The following CSNK2A2IP variants were observed in gnomAD, a reference collection of about 807,000 sequenced individuals.
CSNK2A2IP encodes casein kinase 2 subunit alpha' interacting protein, also known as casein kinase II subunit alpha'-interacting protein.
the CSNK2A2IP span, among the ~76,000 whole-genome samples, chr3:88,453,357 C>T: frequency 6.6e-6 from 1 of 152,000 alleles, no homozygotes; most frequent in African/African-American, 2.4e-5. Flanking sequence ...ACAAACAATG[C>T]TAGGTTGCTC....
the CSNK2A2IP span, among the ~76,000 whole-genome samples, chr3:88,356,854 A>G: frequency 6.6e-6 from 1 of 152,090 alleles, no homozygotes; most frequent in Non-Finnish European, 1.5e-5. Flanking sequence ...GACTAATGGT[A>G]TTGAGCATTT....
the CSNK2A2IP span, among the ~76,000 whole-genome samples, chr3:88,438,781 G>C: frequency 6.6e-6 from 1 of 152,130 alleles, no homozygotes; most frequent in Non-Finnish European, 1.5e-5. Context: ...TGTCACGTAA[G>C]ACTCTGATTA....
chr3:88,348,217 C>T, the CSNK2A2IP span, among the ~76,000 whole-genome samples: 28,046 of 151,788 alleles, frequency 0.18, 2,699 homozygotes, highest in East Asian at 0.21. Context: ...ATATCTAAGA[C>T]TGAGAATTTC....
At chr3:88,389,235 TA>T in the CSNK2A2IP span, among the ~76,000 whole-genome samples, 37 of 148,960 alleles carry the variant, frequency 2.5e-4, no homozygotes, top group Admixed American at 1.1e-3. Context: ...ACATTTAATT[TA>T]AAAAAAAAAA....
At chr3:88,441,515 C>T in the CSNK2A2IP span, among the ~76,000 whole-genome samples, 7 of 152,034 alleles carry the variant, frequency 4.6e-5, no homozygotes, top group East Asian at 1.9e-4. Context: ...TTATATGTTG[C>T]GTTAAATACT....
the CSNK2A2IP span, among the ~76,000 whole-genome samples, chr3:88,433,686 C>A: frequency 1.2e-3 from 182 of 152,262 alleles, 2 homozygotes; most frequent in East Asian, 1.7e-3. Context: ...AGAGCCGTGG[C>A]TGCAGCTAGC....
chr3:88,392,862 G>T, the CSNK2A2IP span, among the ~76,000 whole-genome samples: 1 of 152,124 alleles, frequency 6.6e-6, no homozygotes, highest in African/African-American at 2.4e-5. Context: ...TTAAAATAGG[G>T]CAATATGAAC....
chr3:88,439,726 G>A, the CSNK2A2IP span, among the ~76,000 whole-genome samples: 4 of 127,902 alleles, frequency 3.1e-5, no homozygotes, highest in East Asian at 2.3e-4. Context: ...TAGCGACAGA[G>A]TGAGACTCTG....
At chr3:88,418,423 G>T in the CSNK2A2IP span, among the ~76,000 whole-genome samples, 1 of 148,900 alleles carries the variant, frequency 6.7e-6, no homozygotes, top group African/African-American at 2.5e-5. Context: ...AATGTCTACA[G>T]GGAACTGAAT....
the CSNK2A2IP span, among the ~76,000 whole-genome samples, chr3:88,434,155 G>A: frequency 1.3e-5 from 2 of 152,054 alleles, no homozygotes; most frequent in African/African-American, 4.8e-5. Flanking sequence ...TCCTTTGTTT[G>A]CAATGTGGAA....
the CSNK2A2IP span, among the ~76,000 whole-genome samples, chr3:88,461,471 T>A: frequency 2.6e-5 from 4 of 152,186 alleles, no homozygotes; most frequent in East Asian, 7.8e-4. Flanking sequence ...GAGAATGGCG[T>A]GAACCTGGGA....
the CSNK2A2IP span, among the ~76,000 whole-genome samples, chr3:88,367,961 G>A: frequency 6.6e-6 from 1 of 152,026 alleles, no homozygotes; most frequent in Admixed American, 6.6e-5. Flanking sequence ...TGAGCGTTCT[G>A]TTGTGAAAAT....
At chr3:88,406,039 T>C in the CSNK2A2IP span, among the ~76,000 whole-genome samples, 1 of 152,128 alleles carries the variant, frequency 6.6e-6, no homozygotes, top group African/African-American at 2.4e-5. Flanking sequence ...TAAGACTCTA[T>C]AATTTCATAA....
chr3:88,356,852 G>T, the CSNK2A2IP span, among the ~76,000 whole-genome samples: 1 of 151,954 alleles, frequency 6.6e-6, no homozygotes, highest in African/African-American at 2.4e-5. Context: ...ATGACTAATG[G>T]TATTGAGCAT....
the CSNK2A2IP span, chr3:88,465,294 T>C: frequency 1.0e-6 from 1 of 990,058 alleles, no homozygotes; most frequent in Non-Finnish European, 1.3e-6. Flanking sequence ...GCTAAAAGAC[T>C]AACAGTTACT....
the CSNK2A2IP span, among the ~76,000 whole-genome samples, chr3:88,430,901 A>G: frequency 0.014 from 2,065 of 152,202 alleles, 39 homozygotes; most frequent in African/African-American, 0.048. Context: ...ACTTCCAGAA[A>G]ACAAAAACAA....
chr3:88,401,650 A>G, the CSNK2A2IP span, among the ~76,000 whole-genome samples: 1 of 152,080 alleles, frequency 6.6e-6, no homozygotes, highest in Non-Finnish European at 1.5e-5. Context: ...AGAGTTAATA[A>G]AATCCTCAAA....
At chr3:88,408,915 A>G in the CSNK2A2IP span, among the ~76,000 whole-genome samples, 1 of 151,954 alleles carries the variant, frequency 6.6e-6, no homozygotes. Flanking sequence ...GACTCCTTGA[A>G]ATTTAATCAA....
chr3:88,419,503 C>T, the CSNK2A2IP span, among the ~76,000 whole-genome samples: 5 of 152,104 alleles, frequency 3.3e-5, no homozygotes, highest in African/African-American at 9.7e-5. Flanking sequence ...ATCCAGTTCA[C>T]CATTGATGGG....
Sources: gnomAD v4.1 joint callset for allele counts (sites outside exome capture counted in the v4.1 genomes callset) on GRCh38, gnomAD v4.1.1 for gene constraint, MANE v1.5 for transcripts, NCBI Gene and HGNC (gene_info 2026-07-23, HGNC 2026-07-21) for gene names.